FGD5: variants seen among roughly 807,000 people sequenced by gnomAD.
FGD5 encodes the protein FYVE, RhoGEF and PH domain-containing protein 5.
A neutral mutation model predicts 133.4 loss-of-function variants in FGD5; 28 were observed. That is an observed-to-expected ratio of 0.21 (90% CI 0.16 to 0.29). The LOEUF (loss-of-function observed/expected upper bound fraction) is 0.29, where lower values mean the gene tolerates loss of function less well. FGD5 is among the 10% of genes least tolerant of loss of function. The pLI, the probability that FGD5 is intolerant of heterozygous loss-of-function variation, is 1.00. For synonymous variants in FGD5, 810 were observed against 776.5 expected (o/e 1.04, Z -0.72); for missense variants, 1,858 against 1,895.2 (o/e 0.98, Z 0.36).
At chr3:14,869,176 C>T (rs1393556226) in intron 2 of FGD5, among the ~76,000 whole-genome samples, 1 of 152,058 alleles carries the variant, frequency 6.6e-6, no homozygotes, top group Non-Finnish European at 1.5e-5. Flanking sequence ...TGCCTGTAGT[C>T]CCAGCTACTT....
intron 1 of FGD5, among the ~76,000 whole-genome samples, chr3:14,825,233 A>G (rs2036577572): frequency 6.6e-6 from 1 of 152,208 alleles, no homozygotes; most frequent in Non-Finnish European, 1.5e-5. Context: ...TACTGTTAAC[A>G]GTCTTTTATA....
chr3:14,926,020 C>G, intron 17 of FGD5, 50 bp from the exon 18 acceptor site: 1 of 1,606,788 alleles, frequency 6.2e-7, no homozygotes, highest in South Asian at 1.1e-5. Context: ...TCTGTTTGAA[C>G]TGTGCCTGAC....
intron 4 of FGD5, among the ~76,000 whole-genome samples, chr3:14,891,030 A>G (rs746348654): frequency 5.3e-5 from 8 of 152,194 alleles, no homozygotes; most frequent in African/African-American, 1.2e-4. Context: ...CCCAGAACAA[A>G]TGAGAGTGTG....
intron 11 of FGD5, among the ~76,000 whole-genome samples, chr3:14,915,205 G>C (rs1226671411): frequency 6.6e-6 from 1 of 152,214 alleles, no homozygotes; most frequent in African/African-American, 2.4e-5. Flanking sequence ...GGTTCCTGAG[G>C]TCCCATGGAG....
intron 1 of FGD5, among the ~76,000 whole-genome samples, chr3:14,812,156 C>T (rs545706305): frequency 6.6e-6 from 1 of 152,318 alleles, no homozygotes; most frequent in Non-Finnish European, 1.5e-5. Context: ...CAGCCACCTT[C>T]CATGTCCAGG....
intron 1 of FGD5, among the ~76,000 whole-genome samples, chr3:14,828,765 A>ATGGAGT (rs1559471348): frequency 1.3e-5 from 2 of 150,702 alleles, no homozygotes; most frequent in South Asian, 4.2e-4. Flanking sequence ...CCAGTTGGCT[A>ATGGAGT]TGGAGTGGGC....
intron 2 of FGD5, among the ~76,000 whole-genome samples, chr3:14,865,651 T>TACA (rs941780439): frequency 6.6e-6 from 1 of 152,202 alleles, no homozygotes; most frequent in Non-Finnish European, 1.5e-5. Context: ...CTTGACTCCT[T>TACA]ACAACAACTT....
chr3:14,864,259 A>G lies in FGD5; in HGVS notation c.2657A>G (p.Lys886Arg). Residue 886 changes from lysine to arginine, a missense_variant and splice_region_variant, in exon 2 of 20, where the codon AAG becomes AGG. Physicochemically the swap from Lys to Arg is conservative, Grantham distance 26. Coordinates refer to ENST00000285046, the MANE Select transcript of FGD5 (RefSeq NM_152536.4). Reference protein sequence around the residue: ...SASRDPSVTHKVEGQSRALVI... With the variant: ...SASRDPSVTHRVEGQSRALVI... The stretch of plus-strand genomic sequence containing the variant: ...TCAAGAGACCCCAGTGTCACCCACA[A>G]GGTAGGGCACCCCACAGGTAGGCCG... 1 of 1,613,900 alleles carries G rather than the reference A, an allele frequency of 6.2e-7. No homozygotes were observed. The highest frequency in any genetic ancestry group is 8.5e-7 in the Non-Finnish European group (1 of 1,179,838).
Position 14,924,047 on chromosome 3 carries a change from G to T in FGD5, c.3977G>T (p.Arg1326Leu). The change falls in exon 17 of 20, where the codon CGC becomes CTC. Residue 1326 changes from arginine (R) to leucine (L), a missense_variant. By Grantham distance (102) the Arg-to-Leu change is moderately radical (BLOSUM62 -2). Transcript: ENST00000285046. ...VSMSFPLSSPRFSGSAFSSVF... is the reference protein window; with the variant it reads ...VSMSFPLSSPLFSGSAFSSVF... The stretch of plus-strand genomic sequence containing the variant: ...ATGAGCTTCCCGCTGTCTTCACCCC[G>T]CTTCTCGGGCAGTGCCTTTTCATCC... 6.2e-7 allele frequency: 1 copy of T among 1,613,962 alleles called. No individual in the cohort carries two copies. The highest frequency in any genetic ancestry group is 8.5e-7 in the Non-Finnish European group (1 of 1,179,890).
intron 1 of FGD5, among the ~76,000 whole-genome samples, chr3:14,829,177 G>A (rs528187225): frequency 5.3e-5 from 8 of 152,226 alleles, no homozygotes; most frequent in South Asian, 2.1e-4. Context: ...CTGGAGAGTC[G>A]AAAGGATCTT....
intron 1 of FGD5, among the ~76,000 whole-genome samples, chr3:14,832,672 A>G (rs981637311): frequency 6.6e-6 from 1 of 152,048 alleles, no homozygotes; most frequent in Non-Finnish European, 1.5e-5. Context: ...CAGAGGGAGG[A>G]TGTCTATAGG....
chr3:14,885,600 G>A (rs1301993148), intron 4 of FGD5, among the ~76,000 whole-genome samples: 1 of 152,220 alleles, frequency 6.6e-6, no homozygotes, highest in Non-Finnish European at 1.5e-5. Context: ...TAAGCTGGGA[G>A]GTTGGCCAGA....
rs368010628 is a variant in FGD5, at chr3:14,821,427, A to G, written c.2356A>G (p.Asn786Asp). 6.2e-6 allele frequency: 10 copies of G among 1,613,870 alleles called. No individual in the cohort carries two copies. Among genetic ancestry groups the G allele is most frequent in the African/African-American group, 5.3e-5 (4 of 74,908 alleles). ...TCCAGCCATGAACTCGGACTATGAG[A>G]ATATCCAGATTCCACCCCGGAGACC... The part of the protein sequence containing the change: ...NIPAMNSDYE[N>D]IQIPPRRPAR... The change falls in exon 1 of 20, where the codon AAT (asparagine) becomes GAT (aspartate). Residue 786 changes from asparagine to aspartate, a missense_variant. Physicochemically the swap from Asn to Asp is conservative, Grantham distance 23 (BLOSUM62 1). Transcript: ENST00000285046.
upstream of FGD5, among the ~76,000 whole-genome samples, chr3:14,817,480 G>A (rs1183015412): frequency 6.6e-6 from 1 of 152,198 alleles, no homozygotes; most frequent in African/African-American, 2.4e-5. Context: ...ACATGTGTGA[G>A]CCACTGCACC....
intron 18 of FGD5, among the ~76,000 whole-genome samples, chr3:14,927,410 G>T (rs1575266281): frequency 6.6e-6 from 1 of 152,228 alleles, no homozygotes; most frequent in East Asian, 1.9e-4. Context: ...CTTGAGGCCA[G>T]GAGTTCGAGA....
chr3:14,923,271 C>G (rs531860875), intron 16 of FGD5, 96 bp downstream of exon 16: 4 of 1,477,520 alleles, frequency 2.7e-6, no homozygotes, highest in Admixed American at 2.3e-5. Flanking sequence ...TGCCTGAAAC[C>G]GCTTTCCCTG....
rs1424829914 is a variant in FGD5, at chr3:14,917,334, T to C, written c.3489+2T>C. Reference sequence around the variant, plus strand: ...ACATTGGCTGTGGCCAACATGAAGGTAAATATCTGGTGCCAGGTACCCCCG... The same window carrying C: ...ACATTGGCTGTGGCCAACATGAAGGCAAATATCTGGTGCCAGGTACCCCCG... On this transcript the variant is annotated splice_donor_variant, in intron 12 of 19. Coordinates refer to ENST00000285046, the MANE Select transcript of FGD5 (RefSeq NM_152536.4). LOFTEE classifies it high-confidence loss of function. This position sits in a 1 kb window ranked among gnomAD's most constrained non-coding sequence, Gnocchi z 4.1. The C allele has an allele frequency of 6.2e-7, 1 of 1,611,936 alleles. No homozygotes were observed. The highest frequency in any genetic ancestry group is 8.5e-7 in the Non-Finnish European group (1 of 1,179,094).
chr3:14,913,447 A>G (rs747942544), intron 11 of FGD5, among the ~76,000 whole-genome samples: 45 of 152,128 alleles, frequency 3.0e-4, no homozygotes, highest in Middle Eastern at 3.2e-3. Context: ...GGGAGGCCAT[A>G]CCGGATGGCA....
In FGD5 at chr3:14,924,148, G is replaced by C. The variant is rs1365254375; in HGVS notation, c.4068+10G>C. ...TTCAGCCCTGACAGAGGTAAAGCAG[G>C]CAGGGCTACCCAAGTGGGAAGTAGG... On this transcript the variant is annotated intron_variant, in intron 17 of 19. Coordinates refer to ENST00000285046, the MANE Select transcript of FGD5 (RefSeq NM_152536.4). 1 of 1,613,942 alleles carries C rather than the reference G, an allele frequency of 6.2e-7. No individual in the cohort carries two copies. Among genetic ancestry groups the C allele is most frequent in the Non-Finnish European group, 8.5e-7 (1 of 1,179,886 alleles).
Sources: gnomAD v4.1 joint callset for allele counts (sites outside exome capture counted in the v4.1 genomes callset) on GRCh38, gnomAD v4.1.1 for gene constraint, Gnocchi (gnomAD v3.1) non-coding constraint, MANE v1.5 for transcripts, NCBI Gene and HGNC (gene_info 2026-07-23, HGNC 2026-07-21) for gene names.